DYNC2I1: variants seen among roughly 807,000 people sequenced by gnomAD.
DYNC2I1 encodes the protein cytoplasmic dynein 2 intermediate chain 1.
In DYNC2I1, 89 loss-of-function variants were observed where a neutral mutation model predicts 133.4. The ratio of observed to expected loss-of-function variants is 0.67; its 90% CI spans 0.56 to 0.80. The LOEUF (loss-of-function observed/expected upper bound fraction) is 0.80. DYNC2I1 is among the 30% of genes least tolerant of loss of function. The probability of loss-of-function intolerance (pLI) is 0.00; values close to 1 mark genes in which losing one functional copy is unlikely to be tolerated. For missense variants in DYNC2I1, 1,291 were observed against 1,314.5 expected, an observed-to-expected ratio of 0.98 and a Z score of 0.28; for synonymous variants, 504 against 484.3, an observed-to-expected ratio of 1.04 and a Z score of -0.54.
chr7:158,919,401 G>T (rs557502927), intron 15 of DYNC2I1, among the ~76,000 whole-genome samples: 41 of 152,340 alleles, frequency 2.7e-4, no homozygotes, highest in Admixed American at 8.5e-4. Flanking sequence ...ACAGTTGCAT[G>T]TAACTGTTTA....
At position 158,916,554 on chromosome 7, in the gene DYNC2I1, G is replaced by C. The variant is rs71547582; in HGVS notation, c.1792-2186G>C. On this transcript the variant is annotated intron_variant, in intron 14 of 24. Coordinates refer to ENST00000407559, the MANE Select transcript of DYNC2I1 (RefSeq NM_018051.5). Reference sequence around the variant, plus strand: ...TTGACATTAAGGATGATTGTGAAACGTCGACACGCTGGTTGACATTAAGGA... The same window carrying C: ...TTGACATTAAGGATGATTGTGAAACCTCGACACGCTGGTTGACATTAAGGA... Among the ~76,000 whole-genome samples, 11 of 48,404 alleles carry C rather than the reference G, an allele frequency of 2.3e-4. No homozygotes were observed. In the East Asian group the frequency reaches 4.3e-3, roughly 19 times the overall value. The allele number at this position is 48,404 out of a possible 152,430, so 31.8% of individuals were successfully genotyped here. A position where few individuals can be genotyped will look rare whatever the true frequency, so the allele number is the denominator to read the frequency against.
At chr7:158,955,886 G>A (rs908029821) in intron 4 of DYNC2I1, among the ~76,000 whole-genome samples, 1 of 152,224 alleles carries the variant, frequency 6.6e-6, no homozygotes, top group African/African-American at 2.4e-5. Context: ...GCACAGAGAC[G>A]AGAAGTAGAA....
At chr7:158,842,369 C>A in the DYNC2I1 span, among the ~76,000 whole-genome samples, 2 of 152,206 alleles carry the variant, frequency 1.3e-5, no homozygotes. Context: ...TGACATTCAA[C>A]AAAGAGTAGG....
chr7:158,948,326 G>A (rs1851952589), downstream of DYNC2I1, among the ~76,000 whole-genome samples: 1 of 152,228 alleles, frequency 6.6e-6, no homozygotes, highest in Non-Finnish European at 1.5e-5. Context: ...CGCAGGCTGA[G>A]CGCTTTCTTC....
chr7:158,901,892 G>A, intron 9 of DYNC2I1, 76 bp downstream of exon 9: 1 of 1,127,180 alleles, frequency 8.9e-7, no homozygotes, highest in East Asian at 2.7e-5. Context: ...ATAGTAATTT[G>A]ATGTCCTTTT....
chr7:158,854,997 C>T (rs541602983), upstream of DYNC2I1, among the ~76,000 whole-genome samples: 1 of 152,350 alleles, frequency 6.6e-6, no homozygotes, highest in East Asian at 1.9e-4. Context: ...TTGCAGCCTG[C>T]AAAGCAACAG....
At chr7:158,858,813 ACTTTCCTCTCCCCTCCCCCCTCCC>A (rs1841567538) in intron 1 of DYNC2I1, among the ~76,000 whole-genome samples, 1 of 18,978 alleles carries the variant, frequency 5.3e-5, no homozygotes, top group South Asian at 2.5e-3. Context: ...CCCTCCCCCC[ACTTTCCTCTCCCCTCCCCCCTCCC>A]CTTTCCCCTC....
At chr7:158,949,686 CATGGGAGGAGCATCAAAGGCCGGGAGA>C (rs1851994970), downstream of DYNC2I1, among the ~76,000 whole-genome samples, 1 of 152,054 alleles carries the variant, frequency 6.6e-6, no homozygotes, top group African/African-American at 2.4e-5. Context: ...TAGAGGAGAG[CATGGGAGGAGCATCAAAGGCCGGGAGA>C]ATGGGGCAAA....
chr7:158,886,026 A>G (rs984441206), intron 6 of DYNC2I1, among the ~76,000 whole-genome samples: 1 of 148,780 alleles, frequency 6.7e-6, no homozygotes, highest in Non-Finnish European at 1.5e-5. Flanking sequence ...TTTTTATTTT[A>G]TATTACATAT....
chr7:158,946,994 C>T (rs940463443), downstream of DYNC2I1, among the ~76,000 whole-genome samples: 4 of 152,244 alleles, frequency 2.6e-5, no homozygotes, highest in African/African-American at 7.2e-5. Flanking sequence ...GTGGGCCTCT[C>T]CAGCCACCCG....
intron 12 of DYNC2I1, among the ~76,000 whole-genome samples, 164 bp downstream of exon 12, chr7:158,911,843 C>T (rs1333303703): frequency 6.6e-6 from 1 of 152,220 alleles, no homozygotes; most frequent in East Asian, 1.9e-4. Flanking sequence ...GGGGCCCATT[C>T]ACCCGAGAGG....
intron 7 of DYNC2I1, among the ~76,000 whole-genome samples, chr7:158,890,735 G>A (rs891987871): frequency 2.0e-5 from 3 of 152,126 alleles, no homozygotes; most frequent in African/African-American, 7.2e-5. Context: ...CACCATGCCT[G>A]GCTAATTTTT....
intron 10 of DYNC2I1, chr7:158,904,461 G>C (rs773950802): frequency 6.6e-6 from 1 of 152,198 alleles, no homozygotes; most frequent in African/African-American, 2.4e-5. Flanking sequence ...ACACCATGGC[G>C]TTTGAAAGCC....
chr7:158,894,788 A>G (rs995415270), intron 8 of DYNC2I1, among the ~76,000 whole-genome samples: 1 of 152,208 alleles, frequency 6.6e-6, no homozygotes, highest in Non-Finnish European at 1.5e-5. Flanking sequence ...CACAGTGGCC[A>G]TAGGGTTTTG....
At chr7:158,888,487 G>T (rs542284083) in intron 7 of DYNC2I1, among the ~76,000 whole-genome samples, 1 of 146,638 alleles carries the variant, frequency 6.8e-6, no homozygotes, top group South Asian at 2.2e-4. Flanking sequence ...ATATATATAC[G>T]TTGAGATGGA....
At chr7:158,888,540 C>T (rs1185707151) in intron 7 of DYNC2I1, among the ~76,000 whole-genome samples, 3 of 151,728 alleles carry the variant, frequency 2.0e-5, no homozygotes, top group Admixed American at 6.6e-5. Context: ...GGCGTGATCT[C>T]AGCTCACCTC....
the DYNC2I1 span, among the ~76,000 whole-genome samples, chr7:158,845,394 T>C: frequency 6.6e-6 from 1 of 152,186 alleles, no homozygotes; most frequent in Non-Finnish European, 1.5e-5. Flanking sequence ...ATTGGTAAAG[T>C]AATGTTAGAA....
chr7:158,958,208 C>G (rs554884376), downstream of DYNC2I1, among the ~76,000 whole-genome samples: 200 of 151,808 alleles, frequency 1.3e-3, 1 homozygote, highest in Non-Finnish European at 1.9e-3. Context: ...ACTTGATTTT[C>G]GTTGGTGTTG....
chr7:158,929,790 A>G (rs1029633750), intron 20 of DYNC2I1, among the ~76,000 whole-genome samples: 2 of 152,206 alleles, frequency 1.3e-5, no homozygotes, highest in African/African-American at 4.8e-5. Context: ...TTAGAGGGAA[A>G]GTGATATTGG....
Sources: gnomAD v4.1 joint callset for allele counts (sites outside exome capture counted in the v4.1 genomes callset) on GRCh38, gnomAD v4.1.1 for gene constraint, MANE v1.5 for transcripts, NCBI Gene and HGNC (gene_info 2026-07-23, HGNC 2026-07-21) for gene names.